The following ST8SIA2 variants were observed in gnomAD, a reference collection of about 807,000 sequenced individuals.
ST8SIA2 encodes the protein alpha-2,8-sialyltransferase 8B.
In ST8SIA2, 22 loss-of-function variants were observed where a neutral mutation model predicts 37.6. The ratio of observed to expected loss-of-function variants is 0.58; its 90% CI spans 0.42 to 0.83. The LOEUF is 0.83. Among genes scored for constraint, ST8SIA2 ranks in the 40% least tolerant of loss-of-function variants. ST8SIA2 has a pLI of 0.00. For missense variants in ST8SIA2, 382 were observed against 484.7 expected (o/e 0.79, Z 1.99); for synonymous variants, 205 against 201.2 (o/e 1.02, Z -0.16).
At chr15:92,422,391 C>G (rs983526955) in intron 1 of ST8SIA2, 4 of 152,222 alleles carry the variant, frequency 2.6e-5, no homozygotes, top group Admixed American at 6.5e-5. Flanking sequence ...GACCGAGAAA[C>G]TTGGCAGAAG....
At chr15:92,401,451 A>G (rs1411129623) in intron 1 of ST8SIA2, among the ~76,000 whole-genome samples, 1 of 152,086 alleles carries the variant, frequency 6.6e-6, no homozygotes, top group East Asian at 1.9e-4. Context: ...TGTGTGTCCC[A>G]TGTTTTCTCA....
At chr15:92,396,589 G>C (rs970403131) in intron 1 of ST8SIA2, among the ~76,000 whole-genome samples, 2 of 151,932 alleles carry the variant, frequency 1.3e-5, no homozygotes, top group Non-Finnish European at 2.9e-5. Flanking sequence ...CGCCTCCCGG[G>C]TTCAAGCAAT....
intron 4 of ST8SIA2, among the ~76,000 whole-genome samples, chr15:92,441,727 A>G (rs942294412): frequency 6.6e-6 from 1 of 152,174 alleles, no homozygotes; most frequent in Non-Finnish European, 1.5e-5. Context: ...TGAACGTACC[A>G]GGTGCTATTC....
intron 5 of ST8SIA2, among the ~76,000 whole-genome samples, chr15:92,454,005 T>C (rs1355444637): frequency 6.6e-6 from 1 of 152,138 alleles, no homozygotes; most frequent in Non-Finnish European, 1.5e-5. Context: ...TCAGCATCTT[T>C]GGAGATATTC....
Position 92,464,486 on chromosome 15 carries a change from T to C in ST8SIA2, c.*101T>C. ...ACAAACAATAGAACAAGCAGGCTAG[T>C]GGTTTTCTTTGTTAAAGTGTAAAAC... On this transcript the variant is annotated 3_prime_UTR_variant, in exon 6 of 6. Coordinates refer to ENST00000268164, the MANE Select transcript of ST8SIA2 (RefSeq NM_006011.4). 7.4e-7 allele frequency: 1 copy of C among 1,343,154 alleles called. No individual in the cohort carries two copies. Among genetic ancestry groups the C allele is most frequent in the Admixed American group, 1.7e-5 (1 of 58,788 alleles). 83.2% of individuals were successfully genotyped at this position (1,343,154 alleles called of 1,614,324 possible).
rs113311093 is a variant in ST8SIA2, at chr15:92,464,370, C to T, written c.1113C>T (p.Cys371=). ...QGALKLTVGQ[C]DGAT ...CTTTGAAACTGACTGTCGGCCAGTG[C>T]GATGGGGCCACGTAGGGTGGGCACC... The change falls in exon 6 of 6, where the codon TGC becomes TGT. Residue 371 remains cysteine (C), a synonymous_variant. Coordinates refer to ENST00000268164, the MANE Select transcript of ST8SIA2 (RefSeq NM_006011.4). The T allele has an allele frequency of 7.6e-5, 122 of 1,613,630 alleles. No homozygotes were observed. Among genetic ancestry groups the T allele is most frequent in the Non-Finnish European group, 8.9e-5 (105 of 1,180,040 alleles).
intron 5 of ST8SIA2, among the ~76,000 whole-genome samples, chr15:92,454,654 C>T (rs2049906757): frequency 1.3e-5 from 2 of 151,722 alleles, no homozygotes; most frequent in African/African-American, 4.9e-5. Flanking sequence ...CCCTTCCGCT[C>T]TCACCAGCAG....
Position 92,445,801 on chromosome 15 carries a change from C to T in ST8SIA2, c.842+872C>T, listed in dbSNP as rs185621332. On this transcript the variant is annotated intron_variant, in intron 5 of 5. Coordinates refer to ENST00000268164, the MANE Select transcript of ST8SIA2 (RefSeq NM_006011.4). ...TGAGGAGGGTCTGAACTATTCCTAT[C>T]AAGAAGTCCATGTCAACCTGGATGG... is the stretch of plus-strand genomic sequence containing the variant. Among the ~76,000 whole-genome samples the T allele has an allele frequency of 3.9e-5, 6 of 152,278 alleles. No homozygotes were observed. The East Asian group carries it at 1.2e-3, about 29-fold the overall frequency.
Position 92,405,533 on chromosome 15 carries a change from G to T in ST8SIA2, c.98+11371G>T, listed in dbSNP as rs960446124. The stretch of plus-strand genomic sequence containing the variant: ...CACACACGCGCGCAAGCAGCCAGAA[G>T]AGTGCCTGGCAGGTGCTCGGGACAC... On this transcript the variant is annotated intron_variant, in intron 1 of 5. Transcript: ENST00000268164. Among the ~76,000 whole-genome samples, 2 of 151,968 alleles carry T rather than the reference G, an allele frequency of 1.3e-5. 1 individual carries two copies. The highest frequency in any genetic ancestry group is 4.2e-4 in the South Asian group (2 of 4,808).
intron 1 of ST8SIA2, among the ~76,000 whole-genome samples, chr15:92,397,529 C>A (rs1036475866): frequency 2.0e-5 from 3 of 152,194 alleles, no homozygotes; most frequent in Non-Finnish European, 4.4e-5. Flanking sequence ...TGCCTGGTAG[C>A]CAAGGAGTGA....
At chr15:92,404,001 G>T (rs1461108641) in intron 1 of ST8SIA2, among the ~76,000 whole-genome samples, 1 of 152,198 alleles carries the variant, frequency 6.6e-6, no homozygotes, top group African/African-American at 2.4e-5. Context: ...TGATGGCCCA[G>T]CCTTGGTAGT....
At chr15:92,416,490 C>T (rs1010154944) in intron 1 of ST8SIA2, among the ~76,000 whole-genome samples, 1 of 152,034 alleles carries the variant, frequency 6.6e-6, no homozygotes, top group African/African-American at 2.4e-5. Context: ...ACACTCACAC[C>T]AACCCCAGCA....
At chr15:92,394,731 G>A (rs1244618545) in intron 1 of ST8SIA2, among the ~76,000 whole-genome samples, 1 of 152,172 alleles carries the variant, frequency 6.6e-6, no homozygotes, top group East Asian at 1.9e-4. Context: ...CGGGAGCCCG[G>A]CGTAGGAGCT....
At position 92,468,617 on chromosome 15, in the gene ST8SIA2, G is replaced by C. The variant is rs1382246673; in HGVS notation, c.*4232G>C. The C allele has an allele frequency of 1.3e-5, 2 of 152,714 alleles. No individual in the cohort carries two copies. The highest frequency in any genetic ancestry group is 1.5e-5 in the Non-Finnish European group (1 of 68,064). 9.5% of individuals were successfully genotyped at this position (152,714 alleles called of 1,614,324 possible). On this transcript the variant is annotated 3_prime_UTR_variant, in exon 6 of 6. Coordinates refer to ENST00000268164, the MANE Select transcript of ST8SIA2 (RefSeq NM_006011.4). ...TCCTTTGACTGTTCTTAGACTGTAAGCTTGCCAAGGGCAGGGACTGTGTTT... is the reference window on the plus strand; with the variant it reads ...TCCTTTGACTGTTCTTAGACTGTAACCTTGCCAAGGGCAGGGACTGTGTTT...
intron 1 of ST8SIA2, among the ~76,000 whole-genome samples, chr15:92,401,842 T>C (rs1009680730): frequency 1.3e-5 from 2 of 149,626 alleles, no homozygotes; most frequent in Non-Finnish European, 3.0e-5. Flanking sequence ...GGCCAAAGGA[T>C]GAAAGAACCC....
rs2049581237 is a variant in ST8SIA2 at position 92,415,642 on chromosome 15, T to C, written c.99-14407T>C. On this transcript the variant is annotated intron_variant, in intron 1 of 5. Coordinates refer to ENST00000268164, the MANE Select transcript of ST8SIA2 (RefSeq NM_006011.4). ...GACTATGGTTCACTGTTACCAGATC[T>C]TCTGACTGTTTAGAAGGAGCCAGAA... 3.9e-5 allele frequency among the ~76,000 whole-genome samples: 6 copies of C among 152,016 alleles called. No homozygotes were observed. The South Asian group carries it at 1.2e-3, about 32-fold the overall frequency.
intron 5 of ST8SIA2, among the ~76,000 whole-genome samples, chr15:92,452,282 C>T (rs2049887452): frequency 6.6e-6 from 1 of 152,188 alleles, no homozygotes; most frequent in Non-Finnish European, 1.5e-5. Context: ...GAATCAGAAA[C>T]TCTAGGAGTG....
chr15:92,403,303 G>A (rs1160787425), intron 1 of ST8SIA2, among the ~76,000 whole-genome samples: 1 of 152,144 alleles, frequency 6.6e-6, no homozygotes, highest in African/African-American at 2.4e-5. Context: ...TTTTTATACT[G>A]AGGTTACCTG....
At chr15:92,454,671 G>A (rs558434558) in intron 5 of ST8SIA2, among the ~76,000 whole-genome samples, 1 of 152,010 alleles carries the variant, frequency 6.6e-6, no homozygotes, top group Non-Finnish European at 1.5e-5. Flanking sequence ...GCAGCTGGCA[G>A]GGCCCGGCCT....
Sources: gnomAD v4.1 joint callset for allele counts (sites outside exome capture counted in the v4.1 genomes callset) on GRCh38, gnomAD v4.1.1 for gene constraint, MANE v1.5 for transcripts, NCBI Gene and HGNC (gene_info 2026-07-23, HGNC 2026-07-21) for gene names.